FOXN2: variants seen among roughly 807,000 people sequenced by gnomAD.
FOXN2 encodes the protein forkhead box N2.
In FOXN2, 19 loss-of-function variants were observed where a neutral mutation model predicts 41.2. The observed-to-expected ratio is 0.46, with a 90% CI of 0.32 to 0.68. FOXN2 has a LOEUF of 0.68. Among genes scored for constraint, FOXN2 ranks in the 30% least tolerant of loss-of-function variants. The pLI, the probability that FOXN2 is intolerant of heterozygous loss-of-function variation, is 0.03. For synonymous variants in FOXN2, 195 were observed against 176.8 expected, an observed-to-expected ratio of 1.10 and a Z score of -0.82; for missense variants, 587 against 509.4, an observed-to-expected ratio of 1.15 and a Z score of -1.47.
At position 48,329,167 on chromosome 2, in the gene FOXN2, G is replaced by A. The variant is rs78666151; in HGVS notation, c.-15+465G>A. Among the ~76,000 whole-genome samples the A allele has an allele frequency of 6.6e-3, 1,008 of 152,200 alleles. 14 individuals are homozygous for A. The highest frequency in any genetic ancestry group is 0.023 in the African/African-American group (943 of 41,538). The stretch of plus-strand genomic sequence containing the variant: ...ATTTTAACTTCCCCAAGAAAGAGAC[G>A]AATGACTACACTTTTATTTTTGAGA... On this transcript the variant is annotated intron_variant, in intron 2 of 6. Transcript: ENST00000340553.
At chr2:48,357,197 A>T (rs1268265076) in intron 3 of FOXN2, among the ~76,000 whole-genome samples, 1 of 152,310 alleles carries the variant, frequency 6.6e-6, no homozygotes, top group African/African-American at 2.4e-5. Context: ...CATACTCAAG[A>T]TACTTAACTG....
rs1322967302 is a variant in FOXN2, at chr2:48,377,481, G to T, written c.*2038G>T. 1.3e-5 allele frequency: 2 copies of T among 151,934 alleles called. No homozygotes were observed. The highest frequency in any genetic ancestry group is 2.9e-5 in the Non-Finnish European group (2 of 67,866). The allele number at this position is 151,934 out of a possible 1,614,324, so 9.4% of individuals were successfully genotyped here. On this transcript the variant is annotated 3_prime_UTR_variant, in exon 7 of 7. Transcript: ENST00000340553. ...ATCACAAATGTGCTACCTGGTTTTT[G>T]TCCATTAGATAATTACTCTTTATAA...
intron 3 of FOXN2, among the ~76,000 whole-genome samples, chr2:48,349,072 C>A (rs1671289477): frequency 6.6e-6 from 1 of 152,234 alleles, no homozygotes; most frequent in Non-Finnish European, 1.5e-5. Flanking sequence ...AATATAGAGT[C>A]TAGAGCTGCA....
Position 48,346,554 on chromosome 2 carries a change from C to A in FOXN2, c.340C>A (p.Pro114Thr), listed in dbSNP as rs1183612629. The A allele has an allele frequency of 1.2e-6, 2 of 1,613,822 alleles. No individual in the cohort carries two copies. The highest frequency in any genetic ancestry group is 1.1e-5 in the South Asian group (1 of 91,038). ...AAAAAAATCAGCGACTTCAAAGCCC[C>A]CATACTCCTTTAGTCTTCTCATTTA... is the stretch of plus-strand genomic sequence containing the variant. ...PEKKSATSKP[P>T]YSFSLLIYMA... Residue 114 changes from proline (P) to threonine (T), a missense_variant, in exon 3 of 7, where the codon CCA becomes ACA. By Grantham distance (38) the Pro-to-Thr change is conservative. Transcript: ENST00000340553.
At chr2:48,314,864 A>G (rs1668780414) in intron 1 of FOXN2, 50 bp downstream of exon 1, 1 of 151,748 alleles carries the variant, frequency 6.6e-6, no homozygotes, top group Non-Finnish European at 1.5e-5. Context: ...TCCCCGCCCC[A>G]GCCCGCGGCG....
At chr2:48,370,700 A>T (rs543951805) in intron 5 of FOXN2, among the ~76,000 whole-genome samples, 1 of 152,052 alleles carries the variant, frequency 6.6e-6, no homozygotes, top group African/African-American at 2.4e-5. Flanking sequence ...TATATTGTAG[A>T]TGTTAATCCC....
rs573555323 is a variant in FOXN2, at chr2:48,375,122, T to C, written c.975T>C (p.Ser325=). 2 of 1,614,126 alleles carry C rather than the reference T, an allele frequency of 1.2e-6. No individual in the cohort carries two copies. The highest frequency in any genetic ancestry group is 2.2e-5 in the South Asian group (2 of 91,090). Residue 325 remains serine, a synonymous_variant, in exon 7 of 7, where the codon TCT becomes TCC. Coordinates refer to ENST00000340553, the MANE Select transcript of FOXN2 (RefSeq NM_002158.4). ...GGTCTAGCGTGTCTTCCCTGTCTTC[T>C]GTGGATGAGGTATATGAATTTATCC... ...ASRSSVSSLS[S]VDEVYEFIPK...
chr2:48,338,398 A>ACTT (rs1553410756), intron 2 of FOXN2, among the ~76,000 whole-genome samples: 30 of 148,336 alleles, frequency 2.0e-4, no homozygotes, highest in East Asian at 2.0e-4. Context: ...GAAGGATGCC[A>ACTT]TTTTTTTTTT....
At chr2:48,317,243 G>C (rs1668976802) in intron 1 of FOXN2, among the ~76,000 whole-genome samples, 5 of 152,050 alleles carry the variant, frequency 3.3e-5, no homozygotes, top group Admixed American at 3.3e-4. Flanking sequence ...GAGGTTAGGA[G>C]TTTGAGACCA....
intron 1 of FOXN2, 52 bp downstream of exon 1, chr2:48,314,866 C>T (rs975635340): frequency 2.6e-5 from 4 of 151,918 alleles, no homozygotes; most frequent in African/African-American, 4.8e-5. Flanking sequence ...CCCGCCCCAG[C>T]CCGCGGCGCA....
intron 5 of FOXN2, among the ~76,000 whole-genome samples, chr2:48,371,654 G>A (rs141456439): frequency 1.3e-5 from 2 of 152,074 alleles, no homozygotes; most frequent in African/African-American, 4.8e-5. Context: ...GATATCATTG[G>A]TATTTTGATA....
intron 5 of FOXN2, among the ~76,000 whole-genome samples, 165 bp from the exon 6 acceptor site, chr2:48,373,127 A>G (rs1673018563): frequency 6.6e-6 from 1 of 152,154 alleles, no homozygotes; most frequent in South Asian, 2.1e-4. Flanking sequence ...ACAAAATCAG[A>G]CTTCAGAATA....
chr2:48,361,027 A>T (rs1280352515), intron 4 of FOXN2, among the ~76,000 whole-genome samples: 2 of 149,172 alleles, frequency 1.3e-5, no homozygotes, highest in African/African-American at 4.9e-5. Flanking sequence ...AAAAAAAAAA[A>T]GATTATATGA....
intron 5 of FOXN2, among the ~76,000 whole-genome samples, chr2:48,365,300 G>A (rs1198836827): frequency 1.3e-5 from 2 of 152,148 alleles, no homozygotes; most frequent in Non-Finnish European, 2.9e-5. Flanking sequence ...ATAATGTTCT[G>A]CCTTAACATA....
At chr2:48,339,084 A>G (rs1670563491) in intron 2 of FOXN2, among the ~76,000 whole-genome samples, 1 of 152,230 alleles carries the variant, frequency 6.6e-6, no homozygotes, top group African/African-American at 2.4e-5. Context: ...ATATATTCAT[A>G]GCTATATGTT....
intron 5 of FOXN2, among the ~76,000 whole-genome samples, chr2:48,365,278 G>T (rs1672459635): frequency 1.3e-5 from 2 of 152,180 alleles, no homozygotes; most frequent in Non-Finnish European, 2.9e-5. Context: ...ATGGATAGGG[G>T]ATCTGTTTCA....
chr2:48,339,803 T>TTGTA (rs1439190549), intron 2 of FOXN2, among the ~76,000 whole-genome samples: 1 of 152,154 alleles, frequency 6.6e-6, no homozygotes, highest in Admixed American at 6.6e-5. Context: ...TTTCTGACAC[T>TTGTA]TGTATACCAG....
intron 1 of FOXN2, among the ~76,000 whole-genome samples, chr2:48,315,312 C>G (rs1214362902): frequency 6.6e-6 from 1 of 152,208 alleles, no homozygotes; most frequent in Non-Finnish European, 1.5e-5. Flanking sequence ...TCGTCCGGCC[C>G]CAGTTGGGAC....
chr2:48,362,836 G>C (rs1229337519), intron 5 of FOXN2, 129 bp downstream of exon 5: 1 of 725,196 alleles, frequency 1.4e-6, no homozygotes, highest in Non-Finnish European at 2.3e-6. Flanking sequence ...TGGTGCCCTG[G>C]TAGCTTGTTG....
Sources: gnomAD v4.1 joint callset for allele counts (sites outside exome capture counted in the v4.1 genomes callset) on GRCh38, gnomAD v4.1.1 for gene constraint, MANE v1.5 for transcripts, NCBI Gene and HGNC (gene_info 2026-07-23, HGNC 2026-07-21) for gene names.